Variants in NUP188 observed in about 807,000 individuals in gnomAD.
NUP188 encodes nucleoporin NUP188.
A neutral mutation model predicts 223.0 loss-of-function variants in NUP188; 97 were observed. That is an observed-to-expected ratio of 0.43 (90% confidence interval 0.37 to 0.51). The LOEUF (loss-of-function observed/expected upper bound fraction) is 0.51, where lower values mean the gene tolerates loss of function less well. Ranked by LOEUF, NUP188 falls within the 20% of genes least tolerant of loss-of-function variation. The pLI, the probability that NUP188 is intolerant of heterozygous loss-of-function variation, is 0.00. For synonymous variants in NUP188, 869 were observed against 828.0 expected (o/e 1.05, Z -0.85); for missense variants, 1,947 against 2,175.6 (o/e 0.89, Z 2.09).
At chr9:128,988,797 G>A (rs1842375867) in intron 24 of NUP188, among the ~76,000 whole-genome samples, 1 of 141,848 alleles carries the variant, frequency 7.0e-6, no homozygotes, top group African/African-American at 2.6e-5. Flanking sequence ...CGCAATCTCG[G>A]CTTACTGCAG....
chr9:129,003,124 G>T, intron 37 of NUP188, 149 bp downstream of exon 37: 1 of 1,104,006 alleles, frequency 9.1e-7, no homozygotes, highest in East Asian at 2.5e-5. Context: ...TACTCTGCTG[G>T]CTCACTGGCC....
chr9:128,998,565 C>T lies in NUP188; in HGVS notation c.3457C>T (p.Leu1153Phe), dbSNP rs1280737709. The T allele has an allele frequency of 1.9e-6, 3 of 1,614,080 alleles. No individual in the cohort carries two copies. The highest frequency in any genetic ancestry group is 2.7e-5 in the African/African-American group (2 of 74,938). ...LLLVPASVNC[L>F]RLGSMKCTLL... ...CCTAGTTCCAGCCTCAGTGAACTGC[C>T]TTCGCCTTGGCTCCATGAAGTGCAC... The change falls in exon 32 of 44, where the codon CTT becomes TTT. Residue 1153 changes from leucine to phenylalanine, a missense_variant. Leu to Phe is a conservative substitution (Grantham distance 22). Transcript: ENST00000372577.
At position 128,952,760 on chromosome 9, in the gene NUP188, T is replaced by C. The variant is rs1841811038; in HGVS notation, c.88-13T>C. 3 of 1,609,950 alleles carry C rather than the reference T, an allele frequency of 1.9e-6. No individual in the cohort carries two copies. In the African/African-American group the frequency reaches 4.0e-5, roughly 22 times the overall value. On this transcript the variant is annotated splice_polypyrimidine_tract_variant and intron_variant, in intron 2 of 43. Transcript: ENST00000372577. ...AAATACTGCATTTGTATAATTACCT[T>C]GTTCTTTTCCAGAGTCAGATTGAGG...
chr9:129,005,599 C>A, intron 40 of NUP188, 46 bp from the exon 41 acceptor site: 1 of 1,611,394 alleles, frequency 6.2e-7, no homozygotes, highest in African/African-American at 1.3e-5. Flanking sequence ...CGAGAGCTAC[C>A]TGGGGCCTTA....
At chr9:128,951,223 G>A (rs531520489) in intron 2 of NUP188, among the ~76,000 whole-genome samples, 17 of 151,188 alleles carry the variant, frequency 1.1e-4, no homozygotes, top group Non-Finnish European at 1.2e-4. Context: ...CAGGAGATTC[G>A]CTTGAACCCG....
In NUP188 at chr9:129,006,798, C is replaced by T. The variant is rs371484037; in HGVS notation, c.*120C>T. 419 of 1,061,872 alleles carry T rather than the reference C, an allele frequency of 3.9e-4. 2 individuals are homozygous for T. The East Asian group carries it at 7.0e-3, about 18-fold the overall frequency. The allele number at this position is 1,061,872 out of a possible 1,614,324, so 65.8% of individuals were successfully genotyped here. A position where few individuals can be genotyped will look rare whatever the true frequency, so the allele number is the denominator to read the frequency against. ...AGGGCACCTCCTGTCACCCCCCTCCCGGAGTAGCCACGACTCCAGCCACCA... is the reference window on the plus strand; with the variant it reads ...AGGGCACCTCCTGTCACCCCCCTCCTGGAGTAGCCACGACTCCAGCCACCA... On this transcript the variant is annotated 3_prime_UTR_variant, in exon 44 of 44. Coordinates refer to ENST00000372577, the MANE Select transcript of NUP188 (RefSeq NM_015354.3).
At chr9:128,978,529 C>T (rs1428319582) in intron 12 of NUP188, among the ~76,000 whole-genome samples, 7 of 136,144 alleles carry the variant, frequency 5.1e-5, no homozygotes, top group African/African-American at 1.7e-4. Flanking sequence ...CGCCACTGCA[C>T]TCCAGCCTGG....
In NUP188 at chr9:129,003,648, T is replaced by C. The variant is rs77850716; in HGVS notation, c.4434+194T>C. 4,209 of 714,178 alleles carry C rather than the reference T, an allele frequency of 5.9e-3. 135 individuals are homozygous for C. The East Asian group carries it at 0.062, about 10-fold the overall frequency. 44.2% of individuals were successfully genotyped at this position (714,178 alleles called of 1,614,324 possible). ...CCTTCCATAGTCAAGGGCAGCCATG[T>C]AGGTTAAGAATTTGGACTTTTATCA... On this transcript the variant is annotated intron_variant, in intron 38 of 43. Coordinates refer to ENST00000372577, the MANE Select transcript of NUP188 (RefSeq NM_015354.3).
At chr9:128,959,768 G>A (rs1588270797) in intron 8 of NUP188, among the ~76,000 whole-genome samples, 1 of 151,876 alleles carries the variant, frequency 6.6e-6, no homozygotes, top group Non-Finnish European at 1.5e-5. Context: ...TCGAACTCCC[G>A]ACCTCAGGTG....
At chr9:128,956,748 G>A (rs928410325) in intron 4 of NUP188, among the ~76,000 whole-genome samples, 1 of 152,128 alleles carries the variant, frequency 6.6e-6, no homozygotes, top group Non-Finnish European at 1.5e-5. Flanking sequence ...TTTCTGGCAT[G>A]TACATTTAAT....
At chr9:128,973,106 C>T (rs2131157515) in intron 11 of NUP188, 54 bp from the exon 12 acceptor site, 1 of 1,131,048 alleles carries the variant, frequency 8.8e-7, no homozygotes, top group Non-Finnish European at 1.3e-6. Context: ...TATGCCGAAC[C>T]TGGGGAAGAG....
intron 3 of NUP188, among the ~76,000 whole-genome samples, chr9:128,954,528 G>T (rs370801816): frequency 3.7e-3 from 565 of 152,184 alleles, no homozygotes; most frequent in African/African-American, 0.012. Flanking sequence ...GGGACTACAG[G>T]CGCCCGCCAC....
intron 3 of NUP188, 47 bp from the exon 4 acceptor site, chr9:128,956,303 C>A: frequency 8.9e-7 from 1 of 1,118,724 alleles, no homozygotes; most frequent in Non-Finnish European, 1.3e-6. Flanking sequence ...ATTTTAAACT[C>A]AGTGGGCTAT....
At chr9:128,994,835 C>G in intron 28 of NUP188, 21 bp from the exon 29 acceptor site, 1 of 1,604,118 alleles carries the variant, frequency 6.2e-7, no homozygotes, top group Non-Finnish European at 8.5e-7. Context: ...GTGATAATTG[C>G]CTGTTCTGCT....
At chr9:128,993,725 T>C (rs767259773) in intron 27 of NUP188, 31 bp downstream of exon 27, 1 of 1,602,282 alleles carries the variant, frequency 6.2e-7, no homozygotes, top group South Asian at 1.1e-5. Flanking sequence ...AGTTTCATTG[T>C]TCTGGTCTAT....
chr9:128,973,390 T>TC (rs1842129012), intron 12 of NUP188, 141 bp downstream of exon 12: 1 of 610,154 alleles, frequency 1.6e-6, no homozygotes, highest in East Asian at 2.9e-5. Context: ...TTTACTTTTT[T>TC]CTTTTTTTTT....
intron 34 of NUP188, 71 bp from the exon 35 acceptor site, chr9:129,001,458 C>A (rs1842664153): frequency 4.0e-6 from 6 of 1,487,920 alleles, no homozygotes; most frequent in Non-Finnish European, 5.6e-6. Context: ...CAACCAGGCC[C>A]ACCGCTGCCT....
intron 30 of NUP188, among the ~76,000 whole-genome samples, chr9:128,997,202 C>G (rs930897246): frequency 3.9e-5 from 6 of 152,090 alleles, no homozygotes; most frequent in Non-Finnish European, 8.8e-5. Flanking sequence ...GATGGACTTG[C>G]AAGTGCAAAG....
At chr9:129,002,060 G>T in intron 36 of NUP188, 84 bp downstream of exon 36, 1 of 1,131,360 alleles carries the variant, frequency 8.8e-7, no homozygotes, top group Non-Finnish European at 1.3e-6. Context: ...CCTTTCCCCG[G>T]AAGTTGCTTT....
Sources: allele counts gnomAD v4.1 joint callset (sites outside exome capture counted in the v4.1 genomes callset), GRCh38; gene constraint gnomAD v4.1.1; transcripts MANE v1.5; gene names NCBI Gene and HGNC (gene_info 2026-07-23, HGNC 2026-07-21).